IMPG1: variants seen among roughly 807,000 people sequenced by gnomAD.
IMPG1 encodes the protein interphotoreceptor matrix proteoglycan 1.
IMPG1 carries 85 observed loss-of-function variants against 92.0 expected under a neutral mutation model. The ratio of observed to expected loss-of-function variants is 0.92; its 90% CI spans 0.78 to 1.11. The LOEUF (loss-of-function observed/expected upper bound fraction) is 1.11, where lower values mean the gene tolerates loss of function less well. Among genes scored for constraint, IMPG1 ranks in the 50% least tolerant of loss-of-function variants. The probability of loss-of-function intolerance (pLI) is 0.00; values close to 1 mark genes in which losing one functional copy is unlikely to be tolerated. For synonymous variants in IMPG1, 367 were observed against 334.1 expected (o/e 1.10, Z -1.08); for missense variants, 1,022 against 956.0 (o/e 1.07, Z -0.91).
At chr6:75,978,796 A>G (rs1286638523) in intron 12 of IMPG1, among the ~76,000 whole-genome samples, 1 of 152,098 alleles carries the variant, frequency 6.6e-6, no homozygotes, top group Non-Finnish European at 1.5e-5. Flanking sequence ...TACTGCAACA[A>G]CTCCAATTTA....
At position 75,959,289 on chromosome 6, in the gene IMPG1, A is replaced by T. The variant is rs563982935; in HGVS notation, c.1292-8195T>A. 3.3e-5 allele frequency among the ~76,000 whole-genome samples: 5 copies of T among 152,114 alleles called. No homozygotes were observed. In the East Asian group the frequency reaches 9.7e-4, roughly 30 times the overall value. ...CAGATGCCAGCCAGAGCTCTCCTGTATGAGGTGTCTGTCGACCCCTGCTGG... is the reference window on the plus strand; with the variant it reads ...CAGATGCCAGCCAGAGCTCTCCTGTTTGAGGTGTCTGTCGACCCCTGCTGG... On this transcript the variant is annotated intron_variant, in intron 12 of 16. Transcript: ENST00000369950.
intron 12 of IMPG1, among the ~76,000 whole-genome samples, chr6:75,972,393 C>T (rs766202827): frequency 1.3e-5 from 2 of 152,116 alleles, no homozygotes; most frequent in African/African-American, 2.4e-5. Context: ...CACGCCCACC[C>T]ACCCATAACC....
intron 15 of IMPG1, among the ~76,000 whole-genome samples, chr6:75,924,552 TA>T (rs1781495366): frequency 3.7e-5 from 1 of 26,710 alleles, no homozygotes; most frequent in African/African-American, 1.3e-4. Flanking sequence ...ATAATATAAT[TA>T]ATATAATTAT....
At chr6:76,066,287 A>G (rs900959935) in intron 1 of IMPG1, among the ~76,000 whole-genome samples, 3 of 152,114 alleles carry the variant, frequency 2.0e-5, no homozygotes, top group Non-Finnish European at 4.4e-5. Flanking sequence ...GGTGAAATGG[A>G]TTAAAAAACA....
At chr6:76,013,698 T>C (rs374647234) in intron 7 of IMPG1, among the ~76,000 whole-genome samples, 20 of 152,268 alleles carry the variant, frequency 1.3e-4, no homozygotes, top group African/African-American at 4.8e-4. Flanking sequence ...GTCATACACA[T>C]AGTAGGGACC....
At chr6:76,053,363 A>C (rs1192211660) in intron 1 of IMPG1, among the ~76,000 whole-genome samples, 3 of 152,172 alleles carry the variant, frequency 2.0e-5, no homozygotes, top group Non-Finnish European at 4.4e-5. Context: ...CATGAGCCGG[A>C]GGAAGATTCA....
intron 16 of IMPG1, among the ~76,000 whole-genome samples, chr6:75,923,049 T>TA (rs1399584641): frequency 1.3e-5 from 2 of 152,110 alleles, no homozygotes; most frequent in Non-Finnish European, 2.9e-5. Context: ...AAAGTTATTT[T>TA]AAAAAACTAT....
At chr6:76,045,052 G>C (rs566421679) in intron 1 of IMPG1, among the ~76,000 whole-genome samples, 1 of 152,120 alleles carries the variant, frequency 6.6e-6, no homozygotes, top group Admixed American at 6.5e-5. Context: ...ACACAGCTGG[G>C]GGTCTACAAG....
intron 10 of IMPG1, 111 bp from the exon 11 acceptor site, chr6:76,004,061 A>T: frequency 1.4e-6 from 1 of 712,474 alleles, no homozygotes; most frequent in South Asian, 1.8e-5. Context: ...CTTAAGGAGT[A>T]GTACAACAAA....
chr6:76,004,574 G>A (rs1435090350), intron 10 of IMPG1, among the ~76,000 whole-genome samples: 2 of 152,124 alleles, frequency 1.3e-5, no homozygotes, highest in African/African-American at 4.8e-5. Context: ...TACTAAAATG[G>A]CATTTCCAGT....
chr6:75,972,821 G>A (rs1374843655), intron 12 of IMPG1, among the ~76,000 whole-genome samples: 2 of 152,154 alleles, frequency 1.3e-5, no homozygotes, highest in East Asian at 3.8e-4. Flanking sequence ...TAAGTCAATT[G>A]CTAGAGTTGC....
intron 7 of IMPG1, among the ~76,000 whole-genome samples, chr6:76,014,070 C>T (rs753396988): frequency 3.9e-5 from 6 of 152,212 alleles, no homozygotes; most frequent in Non-Finnish European, 5.9e-5. Flanking sequence ...CTGCTACTTT[C>T]TAGCTGCAAG....
intron 12 of IMPG1, among the ~76,000 whole-genome samples, chr6:75,974,867 T>A (rs1280980245): frequency 6.6e-6 from 1 of 152,102 alleles, no homozygotes; most frequent in African/African-American, 2.4e-5. Context: ...AAAATAAAGG[T>A]TGATTTAAAA....
chr6:75,970,093 G>T (rs1212770796), intron 12 of IMPG1, among the ~76,000 whole-genome samples: 1 of 152,016 alleles, frequency 6.6e-6, no homozygotes, highest in African/African-American at 2.4e-5. Flanking sequence ...TATTTATTTG[G>T]CACCTTTATG....
chr6:75,936,630 T>A (rs544345946), intron 14 of IMPG1, among the ~76,000 whole-genome samples: 1 of 152,322 alleles, frequency 6.6e-6, no homozygotes, highest in African/African-American at 2.4e-5. Context: ...CTCTCAATAA[T>A]CCTTTTTTGT....
Position 75,921,703 on chromosome 6 carries a change from TAAAG to T in IMPG1, c.*382_*385del, listed in dbSNP as rs1432290491. 2.5e-5 allele frequency: 5 copies of T among 201,070 alleles called. No homozygotes were observed. The highest frequency in any genetic ancestry group is 4.8e-5 in the African/African-American group (2 of 41,814). The allele number at this position is 201,070 out of a possible 1,614,324, so 12.5% of individuals were successfully genotyped here. On this transcript the variant is annotated 3_prime_UTR_variant, in exon 17 of 17. Transcript: ENST00000369950. The stretch of plus-strand genomic sequence containing the variant: ...TCTTTTAAATGTACTTTCTAGCATA[TAAAG>T]AGTTTGCTTCCCAATAAATTGTTCA...
At chr6:76,031,510 G>C (rs1444399423) in intron 4 of IMPG1, among the ~76,000 whole-genome samples, 2 of 152,148 alleles carry the variant, frequency 1.3e-5, no homozygotes, top group African/African-American at 4.8e-5. Flanking sequence ...GACTACAGTG[G>C]TCCACACAGG....
intron 13 of IMPG1, among the ~76,000 whole-genome samples, chr6:75,948,536 G>T (rs9352248): frequency 0.072 from 10,991 of 152,110 alleles, 500 homozygotes; most frequent in East Asian, 0.18. Flanking sequence ...CAAGGTTTTT[G>T]TGTGAGTAAA....
chr6:75,956,512 G>C (rs550881166), intron 12 of IMPG1, among the ~76,000 whole-genome samples: 1 of 151,568 alleles, frequency 6.6e-6, no homozygotes, highest in Admixed American at 6.6e-5. Flanking sequence ...TCTGGTTAGC[G>C]GTCTATTTTG....
Sources: allele counts gnomAD v4.1 joint callset (sites outside exome capture counted in the v4.1 genomes callset), GRCh38; gene constraint gnomAD v4.1.1; transcripts MANE v1.5; gene names NCBI Gene and HGNC (gene_info 2026-07-23, HGNC 2026-07-21).